ZNF407: variants seen among roughly 807,000 people sequenced by gnomAD.
ZNF407 encodes the protein zinc finger protein 407.
ZNF407 carries 17 observed loss-of-function variants against 131.2 expected under a neutral mutation model. That is an observed-to-expected ratio of 0.13 (90% confidence interval 0.09 to 0.19). ZNF407 has a LOEUF of 0.19. ZNF407 is among the 10% of genes least tolerant of loss of function. The probability of loss-of-function intolerance (pLI) is 1.00; values close to 1 mark genes in which losing one functional copy is unlikely to be tolerated. For missense variants in ZNF407, 2,681 were observed against 2,830.6 expected, an observed-to-expected ratio of 0.95 and a Z score of 1.20; for synonymous variants, 1,156 against 1,062.0, an observed-to-expected ratio of 1.09 and a Z score of -1.72.
intron 3 of ZNF407, among the ~76,000 whole-genome samples, chr18:74,680,172 A>G (rs1283165420): frequency 6.6e-6 from 1 of 152,158 alleles, no homozygotes; most frequent in Non-Finnish European, 1.5e-5. Flanking sequence ...GGGCAGATCC[A>G]TTGAGCCAAG....
chr18:74,687,571 C>T (rs1323305573), intron 3 of ZNF407, among the ~76,000 whole-genome samples: 1 of 151,986 alleles, frequency 6.6e-6, no homozygotes, highest in African/African-American at 2.4e-5. Flanking sequence ...GTAGTGAGTT[C>T]TGTGTGTTTT....
At chr18:75,052,318 G>A (rs553622489) in intron 8 of ZNF407, among the ~76,000 whole-genome samples, 134 of 152,160 alleles carry the variant, frequency 8.8e-4, no homozygotes, top group African/African-American at 2.9e-3. Context: ...CACAGGAGTC[G>A]CGCGCTTATG....
chr18:74,731,809 T>C (rs1968300709), intron 3 of ZNF407, among the ~76,000 whole-genome samples: 1 of 152,096 alleles, frequency 6.6e-6, no homozygotes, highest in Non-Finnish European at 1.5e-5. Context: ...CAGTGTCCAT[T>C]CCTTGTCTCC....
chr18:74,811,554 TCTA>T (rs1272708330), intron 4 of ZNF407, among the ~76,000 whole-genome samples: 4 of 152,036 alleles, frequency 2.6e-5, no homozygotes, highest in Admixed American at 6.6e-5. Context: ...AAATCATGCT[TCTA>T]TAAAGACACA....
At chr18:74,778,949 A>G (rs931164645) in intron 3 of ZNF407, among the ~76,000 whole-genome samples, 7 of 151,678 alleles carry the variant, frequency 4.6e-5, no homozygotes, top group Non-Finnish European at 8.8e-5. Flanking sequence ...TTATGTATAT[A>G]TATTTTTAAA....
At chr18:74,895,912 T>C (rs1336944742) in intron 7 of ZNF407, among the ~76,000 whole-genome samples, 1 of 152,216 alleles carries the variant, frequency 6.6e-6, no homozygotes, top group Non-Finnish European at 1.5e-5. Context: ...TTTTGCTTCC[T>C]GTGCAGGCTC....
chr18:74,813,462 C>T (rs776248587), intron 4 of ZNF407, among the ~76,000 whole-genome samples: 3 of 125,156 alleles, frequency 2.4e-5, no homozygotes, highest in Non-Finnish European at 4.7e-5. Flanking sequence ...CTCTGCGTCA[C>T]CCCCTTCACC....
intron 8 of ZNF407, among the ~76,000 whole-genome samples, chr18:75,041,622 GCACACACACACACACA>G (rs57989015): frequency 2.1e-5 from 3 of 144,878 alleles, no homozygotes; most frequent in East Asian, 2.0e-4. Context: ...GCATGCACGT[GCACACACACACACACA>G]CACACACACA....
At chr18:75,011,056 G>A (rs1599292497) in intron 8 of ZNF407, among the ~76,000 whole-genome samples, 1 of 152,142 alleles carries the variant, frequency 6.6e-6, no homozygotes, top group African/African-American at 2.4e-5. Context: ...TGGAAAACCT[G>A]TGTGGAATTA....
At chr18:74,717,962 T>G (rs2144862117) in intron 3 of ZNF407, among the ~76,000 whole-genome samples, 1 of 152,358 alleles carries the variant, frequency 6.6e-6, no homozygotes, top group African/African-American at 2.4e-5. Flanking sequence ...TTCTCATCTG[T>G]TAAATTTTAT....
chr18:74,932,025 A>G (rs1971988377), intron 8 of ZNF407, among the ~76,000 whole-genome samples: 1 of 152,170 alleles, frequency 6.6e-6, no homozygotes. Flanking sequence ...CAGAAAAGTC[A>G]TAGTATTCAT....
chr18:74,632,187 G>A lies in ZNF407; in HGVS notation c.1168G>A (p.Gly390Ser), dbSNP rs994361646. The change falls in exon 2 of 9, where the codon GGT (glycine) becomes AGT (serine). Residue 390 changes from glycine to serine, a missense_variant. By Grantham distance (56) the Gly-to-Ser change is moderately conservative. Coordinates refer to ENST00000299687, the MANE Select transcript of ZNF407 (RefSeq NM_017757.3). The part of the protein sequence containing the change: ...RKLDTLVTSE[G>S]LLEKLESTKN... ...GCTAGACACCTTAGTAACCTCAGAG[G>A]GTCTCTTAGAGAAATTGGAATCTAC... 1.4e-5 allele frequency: 23 copies of A among 1,613,766 alleles called. No individual in the cohort carries two copies. In the East Asian group the frequency reaches 4.5e-4, roughly 31 times the overall value.
intron 8 of ZNF407, among the ~76,000 whole-genome samples, chr18:74,984,511 T>G (rs1972629948): frequency 6.6e-6 from 1 of 152,236 alleles, no homozygotes; most frequent in South Asian, 2.1e-4. Flanking sequence ...TCATTTAGGT[T>G]CAGCATGTAA....
intron 3 of ZNF407, among the ~76,000 whole-genome samples, chr18:74,699,014 A>G (rs1967427998): frequency 6.6e-6 from 1 of 152,186 alleles, no homozygotes. Context: ...TCTCTAATCG[A>G]AAAGCAGTGA....
At chr18:74,777,081 A>G (rs1471451490) in intron 3 of ZNF407, among the ~76,000 whole-genome samples, 1 of 152,208 alleles carries the variant, frequency 6.6e-6, no homozygotes, top group Non-Finnish European at 1.5e-5. Flanking sequence ...ATGTGCTTTA[A>G]TAGATGAGTT....
Position 75,025,191 on chromosome 18 carries a change from T to C in ZNF407, c.5429-37959T>C, listed in dbSNP as rs548333785. 3.4e-4 allele frequency among the ~76,000 whole-genome samples: 52 copies of C among 152,338 alleles called. 1 individual carries two copies. In the South Asian group the frequency reaches 0.011, roughly 31 times the overall value. On this transcript the variant is annotated intron_variant, in intron 8 of 8. Coordinates refer to ENST00000299687, the MANE Select transcript of ZNF407 (RefSeq NM_017757.3). ...ACACTTTAAAATGCACCACAATATG[T>C]ACAGCTTGGCAAAATTTGCAGAAAT...
chr18:74,932,854 TA>T (rs1221225769), intron 8 of ZNF407, among the ~76,000 whole-genome samples: 4 of 152,320 alleles, frequency 2.6e-5, no homozygotes, highest in East Asian at 3.9e-4. Context: ...TACCACCTCA[TA>T]CCTATTCAGA....
intron 3 of ZNF407, among the ~76,000 whole-genome samples, chr18:74,727,382 A>G (rs1051204665): frequency 6.6e-6 from 1 of 152,200 alleles, no homozygotes; most frequent in Non-Finnish European, 1.5e-5. Context: ...TCTCTCACTC[A>G]TCCAGGTCCC....
chr18:74,929,547 T>C lies in ZNF407; in HGVS notation c.5428+8855T>C, dbSNP rs368937922. The stretch of plus-strand genomic sequence containing the variant: ...ATGTGGTTTTTACTTTTATATAGAC[T>C]TTTTATCAACTAATTCAATATAACT... On this transcript the variant is annotated intron_variant, in intron 8 of 8. Transcript: ENST00000299687. Among the ~76,000 whole-genome samples the C allele has an allele frequency of 6.0e-4, 92 of 152,330 alleles. No individual in the cohort carries two copies. In the South Asian group the frequency reaches 0.016, roughly 27 times the overall value.
Sources: gnomAD v4.1 joint callset for allele counts (sites outside exome capture counted in the v4.1 genomes callset) on GRCh38, gnomAD v4.1.1 for gene constraint, MANE v1.5 for transcripts, NCBI Gene and HGNC (gene_info 2026-07-23, HGNC 2026-07-21) for gene names.